FKTN: variants seen among roughly 807,000 people sequenced by gnomAD.
The protein encoded by FKTN is ribitol-5-phosphate transferase FKTN.
FKTN carries 47 observed loss-of-function variants against 58.6 expected under a neutral mutation model. The ratio of observed to expected loss-of-function variants is 0.80; its 90% confidence interval spans 0.63 to 1.02. The LOEUF (loss-of-function observed/expected upper bound fraction) is 1.02. Among genes scored for constraint, FKTN ranks in the 50% least tolerant of loss-of-function variants. The probability of loss-of-function intolerance (pLI) is 0.00; values close to 1 mark genes in which losing one functional copy is unlikely to be tolerated. For synonymous variants in FKTN, 178 were observed against 191.9 expected (o/e 0.93, Z 0.60); for missense variants, 516 against 537.3 (o/e 0.96, Z 0.39).
intron 1 of FKTN, among the ~76,000 whole-genome samples, chr9:105,561,442 C>T (rs575637822): frequency 2.0e-4 from 31 of 152,034 alleles, no homozygotes; most frequent in African/African-American, 5.1e-4. Context: ...TTGATGTTCA[C>T]GTAAGATAAA....
intron 7 of FKTN, among the ~76,000 whole-genome samples, chr9:105,610,263 C>G (rs1000195862): frequency 2.6e-5 from 4 of 152,024 alleles, no homozygotes; most frequent in African/African-American, 9.7e-5. Flanking sequence ...GCCAGGTGTA[C>G]CCATTGCTAT....
rs538293948 is a variant in FKTN at position 105,635,812 on chromosome 9, T to G, written c.*548T>G. Reference sequence around the variant, plus strand: ...ATCAGGTTCATTTTTCAACTAATCTTATGTGGAATTGAATTAGAGAACAAG... The same window carrying G: ...ATCAGGTTCATTTTTCAACTAATCTGATGTGGAATTGAATTAGAGAACAAG... On this transcript the variant is annotated 3_prime_UTR_variant, in exon 11 of 11. Transcript: ENST00000357998. The G allele has an allele frequency of 1.0e-6, 1 of 1,000,066 alleles. No individual in the cohort carries two copies. Among genetic ancestry groups the G allele is most frequent in the Non-Finnish European group, 1.2e-6 (1 of 837,942 alleles). 61.9% of individuals were successfully genotyped at this position (1,000,066 alleles called of 1,614,324 possible).
At chr9:105,609,538 C>T (rs767490523) in intron 7 of FKTN, among the ~76,000 whole-genome samples, 7 of 152,084 alleles carry the variant, frequency 4.6e-5, no homozygotes, top group Non-Finnish European at 7.3e-5. Context: ...TAAAAAGATT[C>T]GATTCAGAAT....
chr9:105,610,139 A>G (rs1829643064), intron 7 of FKTN, among the ~76,000 whole-genome samples: 3 of 151,446 alleles, frequency 2.0e-5, no homozygotes, highest in African/African-American at 7.4e-5. Context: ...TGAACACTTT[A>G]GTACTTTTTG....
At chr9:105,618,194 T>C in intron 9 of FKTN, 102 bp downstream of exon 9, 5 of 967,270 alleles carry the variant, frequency 5.2e-6, no homozygotes, top group Non-Finnish European at 1.7e-6. Context: ...ATACATAATT[T>C]TATCACTCAG....
Position 105,635,550 on chromosome 9 carries a change from A to C in FKTN, c.*286A>C. On this transcript the variant is annotated 3_prime_UTR_variant, in exon 11 of 11. Coordinates refer to ENST00000357998, the MANE Select transcript of FKTN (RefSeq NM_001079802.2). ...AACAACTCAATTTTCCTTTGAGGGA[A>C]CCCTCCCCCACCCTTTGAAGAGTTC... 2 of 1,284,130 alleles carry C rather than the reference A, an allele frequency of 1.6e-6. No individual in the cohort carries two copies. Among genetic ancestry groups the C allele is most frequent in the Non-Finnish European group, 2.0e-6 (2 of 1,007,468 alleles). 79.5% of individuals were successfully genotyped at this position (1,284,130 alleles called of 1,614,324 possible).
chr9:105,623,334 A>G (rs1428876960), intron 10 of FKTN: 1 of 152,218 alleles, frequency 6.6e-6, no homozygotes, highest in Admixed American at 6.5e-5. Flanking sequence ...AGGAGATTTT[A>G]TCATCATCAC....
chr9:105,604,075 T>C (rs1828403305), intron 5 of FKTN, 140 bp from the exon 6 acceptor site: 2 of 809,478 alleles, frequency 2.5e-6, no homozygotes, highest in East Asian at 5.1e-5. Flanking sequence ...CATTAAAAAA[T>C]GTTCTTACAG....
intron 1 of FKTN, among the ~76,000 whole-genome samples, chr9:105,565,175 T>C (rs928490562): frequency 6.6e-6 from 1 of 152,288 alleles, no homozygotes; most frequent in South Asian, 2.1e-4. Flanking sequence ...GAACAGCCGA[T>C]ACCAGCCTCT....
chr9:105,601,319 G>A lies in FKTN; in HGVS notation c.340G>A (p.Ala114Thr), dbSNP rs119463995. 2 of 1,607,154 alleles carry A rather than the reference G, an allele frequency of 1.2e-6. No individual in the cohort carries two copies. Among genetic ancestry groups the A allele is most frequent in the Non-Finnish European group, 1.7e-6 (2 of 1,175,688 alleles). Residue 114 changes from alanine (A) to threonine (T), a missense_variant, in exon 5 of 11, where the codon GCA (alanine) becomes ACA (threonine). Coordinates refer to ENST00000357998, the MANE Select transcript of FKTN (RefSeq NM_001079802.2). Reference sequence around the variant, plus strand: ...TGTTCCAAGAGACTTTACTGCATTTGCACTGCAGTATCACCTATGGAAGAA... The same window carrying A: ...TGTTCCAAGAGACTTTACTGCATTTACACTGCAGTATCACCTATGGAAGAA... ...FCVPRDFTAF[A>T]LQYHLWKNEE...
Position 105,638,682 on chromosome 9 carries a change from C to T in FKTN, c.*3418C>T, listed in dbSNP as rs1834218445. 1 of 984,756 alleles carries T rather than the reference C, an allele frequency of 1.0e-6. No individual in the cohort carries two copies. Among genetic ancestry groups the T allele is most frequent in the South Asian group, 4.7e-5 (1 of 21,274 alleles). 61.0% of individuals were successfully genotyped at this position (984,756 alleles called of 1,614,324 possible). ...GTAACTGGAGTCACTTTGCAGTTTT[C>T]AAGATTTTTTTTTTATCTGCTTGGC... On this transcript the variant is annotated 3_prime_UTR_variant, in exon 11 of 11. Transcript: ENST00000357998.
At position 105,576,757 on chromosome 9, in the gene FKTN, T is replaced by C. The variant is rs1240827124; in HGVS notation, c.105+1620T>C. On this transcript the variant is annotated intron_variant, in intron 3 of 10. Transcript: ENST00000357998. ...GGAATCGCCACACTGACTTCCACAA[T>C]GGTTGAACTAGTTTACAGTCCCACC... is the stretch of plus-strand genomic sequence containing the variant. Among the ~76,000 whole-genome samples, 37 of 80,918 alleles carry C rather than the reference T, an allele frequency of 4.6e-4. No homozygotes were observed. The South Asian group carries it at 8.7e-3, about 19-fold the overall frequency. The allele number at this position is 80,918 out of a possible 152,430, so 53.1% of individuals were successfully genotyped here.
At chr9:105,574,895 C>A in intron 2 of FKTN, 50 bp from the exon 3 acceptor site, 1 of 666,684 alleles carries the variant, frequency 1.5e-6, no homozygotes, top group South Asian at 1.7e-5. Flanking sequence ...ATTACAGGTA[C>A]AAAATTAAAG....
In FKTN at chr9:105,638,902, C is replaced by T. The variant is rs1023989428; in HGVS notation, c.*3638C>T. On this transcript the variant is annotated 3_prime_UTR_variant, in exon 11 of 11. Transcript: ENST00000357998. ...TGGCACATAGATAGGCAGGATATTACATAGGTAAGCAGGAATTTATACATT... is the reference window on the plus strand; with the variant it reads ...TGGCACATAGATAGGCAGGATATTATATAGGTAAGCAGGAATTTATACATT... 2.0e-6 allele frequency: 2 copies of T among 985,160 alleles called. No homozygotes were observed. Among genetic ancestry groups the T allele is most frequent in the South Asian group, 4.7e-5 (1 of 21,278 alleles). The allele number at this position is 985,160 out of a possible 1,614,324, so 61.0% of individuals were successfully genotyped here. A position where few individuals can be genotyped will look rare whatever the true frequency, so the allele number is the denominator to read the frequency against.
chr9:105,569,874 C>A (rs539356463), intron 1 of FKTN, among the ~76,000 whole-genome samples: 1 of 152,112 alleles, frequency 6.6e-6, no homozygotes, highest in East Asian at 1.9e-4. Flanking sequence ...AATACTTTTT[C>A]TTTTCTTTTC....
chr9:105,583,912 T>C (rs781113183), intron 3 of FKTN, among the ~76,000 whole-genome samples: 46 of 152,206 alleles, frequency 3.0e-4, no homozygotes, highest in Non-Finnish European at 3.4e-4. Flanking sequence ...TGTCCCAATA[T>C]CCCTTATTGA....
intron 1 of FKTN, among the ~76,000 whole-genome samples, chr9:105,566,339 C>CA (rs1839608011): frequency 1.3e-5 from 2 of 152,014 alleles, no homozygotes; most frequent in African/African-American, 2.4e-5. Flanking sequence ...AAAAACCCTT[C>CA]AAAAAATCAA....
Position 105,636,579 on chromosome 9 carries a change from A to G in FKTN, c.*1315A>G, listed in dbSNP as rs1271658202. On this transcript the variant is annotated 3_prime_UTR_variant, in exon 11 of 11. Transcript: ENST00000357998. ...AGTCAGCTAGGATGCTGTTTACCCC[A>G]TCTCTCTCTTATATCACTTGAATGA... is the stretch of plus-strand genomic sequence containing the variant. The G allele has an allele frequency of 5.6e-6, 6 of 1,074,042 alleles. No homozygotes were observed. Among genetic ancestry groups the G allele is most frequent in the Admixed American group, 4.2e-5 (1 of 23,586 alleles). The allele number at this position is 1,074,042 out of a possible 1,614,324, so 66.5% of individuals were successfully genotyped here. A position where few individuals can be genotyped will look rare whatever the true frequency, so the allele number is the denominator to read the frequency against.
intron 7 of FKTN, among the ~76,000 whole-genome samples, chr9:105,614,351 G>A (rs931794484): frequency 6.6e-6 from 1 of 152,104 alleles, no homozygotes; most frequent in African/African-American, 2.4e-5. Context: ...AATGAGAAAA[G>A]TAGATACAAG....
Sources: allele counts gnomAD v4.1 joint callset (sites outside exome capture counted in the v4.1 genomes callset), GRCh38; gene constraint gnomAD v4.1.1; transcripts MANE v1.5; gene names NCBI Gene and HGNC (gene_info 2026-07-23, HGNC 2026-07-21).